COMMD10: variants seen among roughly 807,000 people sequenced by gnomAD.
The protein encoded by COMMD10 is COMM domain-containing protein 10.
In COMMD10, 33 loss-of-function variants were observed where a neutral mutation model predicts 28.9. The ratio of observed to expected loss-of-function variants is 1.14; its 90% CI spans 0.87 to 1.53. COMMD10 has a LOEUF of 1.53. COMMD10 is among the 40% of genes most tolerant of loss of function. The pLI is 0.00. For missense variants in COMMD10, 310 were observed against 233.4 expected (o/e 1.33, Z -2.14); for synonymous variants, 110 against 81.7 (o/e 1.35, Z -1.87).
At chr5:116,291,447 A>G in intron 5 of COMMD10, 70 bp from the exon 6 acceptor site, 1 of 1,054,796 alleles carries the variant, frequency 9.5e-7, no homozygotes, top group Non-Finnish European at 1.5e-6. Context: ...TTCTGAGGTT[A>G]GCTGGAGAGA....
At chr5:116,137,315 A>G (rs763589241) in intron 5 of COMMD10, among the ~76,000 whole-genome samples, 4 of 152,086 alleles carry the variant, frequency 2.6e-5, no homozygotes, top group Admixed American at 6.6e-5. Context: ...GAATGAGGGT[A>G]TAGAGCATGT....
chr5:116,205,111 C>T (rs965119856), intron 5 of COMMD10, among the ~76,000 whole-genome samples: 2 of 152,150 alleles, frequency 1.3e-5, no homozygotes, highest in Non-Finnish European at 2.9e-5. Context: ...TGGTCATGAT[C>T]TGGTTTGTCC....
At chr5:116,230,120 T>C (rs1472545239) in intron 5 of COMMD10, among the ~76,000 whole-genome samples, 1 of 152,050 alleles carries the variant, frequency 6.6e-6, no homozygotes, top group Middle Eastern at 3.2e-3. Flanking sequence ...CTAGGTATTC[T>C]GAATTATGTT....
intron 4 of COMMD10, among the ~76,000 whole-genome samples, chr5:116,098,993 G>A (rs915750614): frequency 2.0e-5 from 3 of 152,252 alleles, no homozygotes; most frequent in East Asian, 3.9e-4. Context: ...GGACATTTAA[G>A]ATCTACTGTC....
intron 5 of COMMD10, among the ~76,000 whole-genome samples, chr5:116,202,924 C>T (rs1049994040): frequency 6.6e-6 from 1 of 152,146 alleles, no homozygotes; most frequent in Non-Finnish European, 1.5e-5. Context: ...GCTTTTGTTG[C>T]CATTGCTTTT....
intron 5 of COMMD10, among the ~76,000 whole-genome samples, chr5:116,157,801 GTA>G (rs1468126675): frequency 6.6e-6 from 1 of 152,130 alleles, no homozygotes; most frequent in East Asian, 1.9e-4. Flanking sequence ...CACCAGCAGT[GTA>G]TATAAGTTGT....
At chr5:116,264,557 C>T (rs4308513) in intron 5 of COMMD10, among the ~76,000 whole-genome samples, 125,731 of 151,634 alleles carry the variant, frequency 0.83, 53,295 homozygotes, top group Admixed American at 0.92. Context: ...TACAAAGTCA[C>T]GTAAAGGTCA....
At chr5:116,119,957 G>A (rs1231000486) in intron 4 of COMMD10, among the ~76,000 whole-genome samples, 1 of 151,990 alleles carries the variant, frequency 6.6e-6, no homozygotes, top group Non-Finnish European at 1.5e-5. Flanking sequence ...ATTATAATTT[G>A]TATAGTATAT....
chr5:116,177,359 T>C (rs1048342045), intron 5 of COMMD10, among the ~76,000 whole-genome samples: 1 of 152,186 alleles, frequency 6.6e-6, no homozygotes, highest in Non-Finnish European at 1.5e-5. Flanking sequence ...TTAATATCTT[T>C]TCATCTTCAT....
intron 4 of COMMD10, among the ~76,000 whole-genome samples, chr5:116,108,214 C>G (rs1387129310): frequency 6.6e-6 from 1 of 152,228 alleles, no homozygotes; most frequent in African/African-American, 2.4e-5. Context: ...GCTGGGAGAT[C>G]CACTGCTCTC....
At chr5:116,259,688 T>C (rs758618938) in intron 5 of COMMD10, among the ~76,000 whole-genome samples, 5 of 151,766 alleles carry the variant, frequency 3.3e-5, no homozygotes, top group Admixed American at 1.3e-4. Flanking sequence ...ATCCAATAAC[T>C]GCAGGGCAAA....
intron 5 of COMMD10, among the ~76,000 whole-genome samples, chr5:116,270,074 T>C (rs185200964): frequency 2.0e-4 from 31 of 152,030 alleles, no homozygotes; most frequent in Admixed American, 5.2e-4. Context: ...TATCTTGACA[T>C]AATGAAGAAT....
At chr5:116,122,434 C>T (rs575058335) in intron 4 of COMMD10, among the ~76,000 whole-genome samples, 1 of 152,202 alleles carries the variant, frequency 6.6e-6, no homozygotes, top group African/African-American at 2.4e-5. Context: ...CAGCTTTGTT[C>T]TTTTTGCTCA....
intron 5 of COMMD10, among the ~76,000 whole-genome samples, chr5:116,189,924 T>C (rs1271124730): frequency 6.6e-6 from 1 of 152,216 alleles, no homozygotes; most frequent in Admixed American, 6.5e-5. Flanking sequence ...CTCCTGACCT[T>C]CTGAAAAACC....
chr5:116,116,703 ATTT>A (rs70978604), intron 4 of COMMD10, among the ~76,000 whole-genome samples: 6 of 121,548 alleles, frequency 4.9e-5, no homozygotes, highest in African/African-American at 1.8e-4. Context: ...AAATGCAGAG[ATTT>A]TTTTTTTTTT....
chr5:116,172,172 T>C (rs755483682), intron 5 of COMMD10, among the ~76,000 whole-genome samples: 2 of 152,098 alleles, frequency 1.3e-5, no homozygotes, highest in Non-Finnish European at 2.9e-5. Context: ...TAAGGAAACA[T>C]CCCATATTGG....
chr5:116,095,720 A>T (rs1750448431), intron 4 of COMMD10, among the ~76,000 whole-genome samples: 1 of 151,698 alleles, frequency 6.6e-6, no homozygotes, highest in African/African-American at 2.4e-5. Flanking sequence ...ATAAATATTT[A>T]CTGTTTTCTT....
intron 5 of COMMD10, among the ~76,000 whole-genome samples, chr5:116,189,839 A>C (rs1748292359): frequency 6.6e-6 from 1 of 152,210 alleles, no homozygotes; most frequent in African/African-American, 2.4e-5. Context: ...AAACCACTTA[A>C]AGCATATTTT....
intron 3 of COMMD10, among the ~76,000 whole-genome samples, chr5:116,091,509 T>G (rs1750297303): frequency 6.6e-6 from 1 of 152,146 alleles, no homozygotes; most frequent in Non-Finnish European, 1.5e-5. Flanking sequence ...AGTAAGACAT[T>G]TAGAAAAGAA....
Sources: allele counts gnomAD v4.1 joint callset (sites outside exome capture counted in the v4.1 genomes callset), GRCh38; gene constraint gnomAD v4.1.1; transcripts MANE v1.5; gene names NCBI Gene and HGNC (gene_info 2026-07-23, HGNC 2026-07-21).